The following CDH18 variants were observed in gnomAD, a reference collection of about 807,000 sequenced individuals.
The protein encoded by CDH18 is cadherin 18, also known as cadherin-18.
Under a neutral mutation model 67.9 loss-of-function variants are expected in CDH18, and 31 were observed. The observed-to-expected ratio is 0.46, with a 90% confidence interval of 0.34 to 0.62. CDH18 has a LOEUF of 0.62. Ranked by LOEUF, CDH18 falls within the 20% of genes least tolerant of loss-of-function variation. CDH18 has a pLI of 0.01. For synonymous variants in CDH18, 362 were observed against 347.2 expected (o/e 1.04, Z -0.48); for missense variants, 890 against 975.5 (o/e 0.91, Z 1.17).
At chr5:19,643,771 T>C (rs1331855484) in intron 5 of CDH18, among the ~76,000 whole-genome samples, 2 of 152,150 alleles carry the variant, frequency 1.3e-5, no homozygotes. Flanking sequence ...TGTGCAACAA[T>C]GTGACTATAG....
chr5:19,799,649 T>G (rs1026958939), intron 3 of CDH18, among the ~76,000 whole-genome samples: 3 of 152,180 alleles, frequency 2.0e-5, no homozygotes, highest in Admixed American at 2.0e-4. Context: ...AAGATAACTT[T>G]GCTGCTACAC....
At chr5:19,976,346 G>T (rs1798498456) in intron 2 of CDH18, among the ~76,000 whole-genome samples, 1 of 151,932 alleles carries the variant, frequency 6.6e-6, no homozygotes, top group South Asian at 2.1e-4. Flanking sequence ...AAAAAGAGTT[G>T]AGGGGAAAAA....
intron 2 of CDH18, among the ~76,000 whole-genome samples, chr5:19,914,355 C>A (rs1327113215): frequency 6.6e-6 from 1 of 151,856 alleles, no homozygotes; most frequent in Non-Finnish European, 1.5e-5. Context: ...CTTGAGACAC[C>A]CTCTATACTC....
At chr5:20,411,694 A>T (rs1264554331) in intron 1 of CDH18, among the ~76,000 whole-genome samples, 1 of 152,050 alleles carries the variant, frequency 6.6e-6, no homozygotes, top group African/African-American at 2.4e-5. Flanking sequence ...AAATGTTCAC[A>T]AACTGTGTAC....
At chr5:20,279,250 A>G (rs1401626977) in intron 1 of CDH18, among the ~76,000 whole-genome samples, 1 of 152,196 alleles carries the variant, frequency 6.6e-6, no homozygotes, top group Non-Finnish European at 1.5e-5. Flanking sequence ...ATAAGTAGCT[A>G]TATTTATATA....
chr5:19,932,199 T>G (rs1253177522), intron 2 of CDH18, among the ~76,000 whole-genome samples: 1 of 151,720 alleles, frequency 6.6e-6, no homozygotes, highest in African/African-American at 2.4e-5. Flanking sequence ...ACTTGGAGGA[T>G]GAGAAAACAA....
At chr5:20,173,175 G>A (rs2126657564) in intron 2 of CDH18, among the ~76,000 whole-genome samples, 1 of 152,226 alleles carries the variant, frequency 6.6e-6, no homozygotes, top group South Asian at 2.1e-4. Context: ...TGCCCTCATG[G>A]AGCTTATTAT....
chr5:20,018,725 T>C (rs1367483570), intron 2 of CDH18, among the ~76,000 whole-genome samples: 1 of 152,118 alleles, frequency 6.6e-6, no homozygotes, highest in Non-Finnish European at 1.5e-5. Flanking sequence ...AACTGGAACA[T>C]TCAGATCTGG....
intron 1 of CDH18, among the ~76,000 whole-genome samples, chr5:20,523,789 C>G (rs1755890670): frequency 6.6e-6 from 1 of 152,170 alleles, no homozygotes. Flanking sequence ...ATCTGCCCAC[C>G]TTGGCCTCCC....
intron 5 of CDH18, among the ~76,000 whole-genome samples, chr5:19,712,817 A>T (rs1219612454): frequency 6.6e-6 from 1 of 151,628 alleles, no homozygotes; most frequent in Non-Finnish European, 1.5e-5. Context: ...TTCATTGTAC[A>T]TATCTAAGAT....
At chr5:19,767,294 C>T (rs898636390) in intron 3 of CDH18, among the ~76,000 whole-genome samples, 11 of 151,176 alleles carry the variant, frequency 7.3e-5, no homozygotes, top group African/African-American at 2.7e-4. Flanking sequence ...ATACGTATGA[C>T]AAACGTAGAA....
upstream of CDH18, among the ~76,000 whole-genome samples, chr5:19,992,358 G>A (rs1001922542): frequency 6.6e-6 from 1 of 151,230 alleles, no homozygotes; most frequent in African/African-American, 2.4e-5. Context: ...ATGAAATGAG[G>A]ACACTGAGTT....
At position 20,516,865 on chromosome 5, in the gene CDH18, T is replaced by C. The variant is rs114900011; in HGVS notation, c.-580+58597A>G. On this transcript the variant is annotated intron_variant, in intron 1 of 14. Transcript: ENST00000507958. ...TTACAACCTCGTTTATTCCAAAAGA[T>C]GTTGACAAATTACGTGTTTTCAAAT... Among the ~76,000 whole-genome samples, 385 of 152,058 alleles carry C rather than the reference T, an allele frequency of 2.5e-3. 1 individual carries two copies. The highest frequency in any genetic ancestry group is 9.0e-3 in the African/African-American group (375 of 41,540).
At chr5:20,545,957 C>A (rs1383814828) in intron 1 of CDH18, among the ~76,000 whole-genome samples, 1 of 152,128 alleles carries the variant, frequency 6.6e-6, no homozygotes, top group Non-Finnish European at 1.5e-5. Flanking sequence ...ATGCATGTAA[C>A]TGAACATTTT....
intron 2 of CDH18, among the ~76,000 whole-genome samples, chr5:20,039,849 G>T (rs531315059): frequency 4.6e-5 from 7 of 152,208 alleles, no homozygotes; most frequent in South Asian, 2.1e-4. Context: ...TGACAAATGG[G>T]ATCTAATTAA....
At chr5:20,283,314 C>A (rs937530952) in intron 1 of CDH18, among the ~76,000 whole-genome samples, 2 of 151,858 alleles carry the variant, frequency 1.3e-5, no homozygotes, top group African/African-American at 4.8e-5. Context: ...TGGAGGGAAT[C>A]CACAGAATGG....
intron 6 of CDH18, among the ~76,000 whole-genome samples, chr5:19,599,010 G>T (rs1206569450): frequency 6.6e-6 from 1 of 152,008 alleles, no homozygotes; most frequent in Non-Finnish European, 1.5e-5. Flanking sequence ...GCAATTTGTT[G>T]TTTTATCACT....
Position 19,473,222 on chromosome 5 carries a change from C to G in CDH18, c.*4G>C, listed in dbSNP as rs754176144. The G allele has an allele frequency of 6.2e-7, 1 of 1,611,612 alleles. No individual in the cohort carries two copies. The highest frequency in any genetic ancestry group is 8.5e-7 in the Non-Finnish European group (1 of 1,178,484). On this transcript the variant is annotated 3_prime_UTR_variant, in exon 13 of 13. Coordinates refer to ENST00000382275, the MANE Select transcript of CDH18 (RefSeq NM_004934.5). ...AATTCCACAAGGTTGCAAGAACTGA[C>G]CCCCTAAGTTGTTCTTTCAGATTCT...
Position 20,131,967 on chromosome 5 carries a change from G to A in CDH18, c.-518+123477C>T, listed in dbSNP as rs551244087. Among the ~76,000 whole-genome samples the A allele has an allele frequency of 1.9e-4, 29 of 151,810 alleles. 1 individual carries two copies. The South Asian group carries it at 5.2e-3, about 27-fold the overall frequency. On this transcript the variant is annotated intron_variant, in intron 2 of 14. Coordinates refer to the CDH18 transcript ENST00000507958. ...CAGTGGTGTGATCTTGGCTCACTGC[G>A]ACCTCTACCTCCCGGGTTCAAGCAT...
Sources: gnomAD v4.1 joint callset for allele counts (sites outside exome capture counted in the v4.1 genomes callset) on GRCh38, gnomAD v4.1.1 for gene constraint, MANE v1.5 for transcripts, NCBI Gene and HGNC (gene_info 2026-07-23, HGNC 2026-07-21) for gene names.